CFAP58: variants seen among roughly 807,000 people sequenced by gnomAD.
CFAP58 encodes the protein cilia- and flagella-associated protein 58.
A neutral mutation model predicts 119.5 loss-of-function variants in CFAP58; 88 were observed. That is an observed-to-expected ratio of 0.74 (90% CI 0.62 to 0.88). The LOEUF (loss-of-function observed/expected upper bound fraction) is 0.88, where lower values mean the gene tolerates loss of function less well. Ranked by LOEUF, CFAP58 falls within the 40% of genes least tolerant of loss-of-function variation. CFAP58 has a pLI of 0.00. For synonymous variants in CFAP58, 365 were observed against 366.3 expected, an observed-to-expected ratio of 1.00 and a Z score of 0.04; for missense variants, 990 against 1,021.2, an observed-to-expected ratio of 0.97 and a Z score of 0.42.
In CFAP58 at chr10:104,380,065, A is replaced by G. The variant is rs751738240; in HGVS notation, c.1210A>G (p.Thr404Ala). ...GGCGGTCAATGCGACCCAGAAGCAG[A>G]CAGACTTGGTAAAGCTCCATGAACA... ...LKAVNATQKQ[T>A]DLVKLHEQAK... The change falls in exon 9 of 18, where the codon ACA (threonine) becomes GCA (alanine). Residue 404 changes from threonine to alanine, a missense_variant. Coordinates refer to ENST00000369704, the MANE Select transcript of CFAP58 (RefSeq NM_001008723.2). 9.9e-6 allele frequency: 16 copies of G among 1,614,016 alleles called. No individual in the cohort carries two copies. The South Asian group carries it at 1.2e-4, about 12-fold the overall frequency.
intron 15 of CFAP58, among the ~76,000 whole-genome samples, chr10:104,447,178 C>CCT (rs199544136): frequency 1.5e-4 from 20 of 134,348 alleles, no homozygotes; most frequent in African/African-American, 4.6e-4. Flanking sequence ...TTCTTTTTTT[C>CCT]CTCTCTCTTT....
At chr10:104,411,554 T>C (rs2012460821) in intron 15 of CFAP58, among the ~76,000 whole-genome samples, 1 of 152,192 alleles carries the variant, frequency 6.6e-6, no homozygotes, top group South Asian at 2.1e-4. Context: ...AAAGCCTTTA[T>C]TTGGGGACTT....
rs2013171937 is a variant in CFAP58 at position 104,450,138 on chromosome 10, T to C, written c.2444T>C (p.Leu815Pro). ...SKEYKYEVEK[L>P]TNELQNLKKK... ...GAATATAAATATGAGGTAGAGAAACTTACCAATGAGCTCCAGAATTTAAAG... is the reference window on the plus strand; with the variant it reads ...GAATATAAATATGAGGTAGAGAAACCTACCAATGAGCTCCAGAATTTAAAG... Residue 815 changes from leucine (L) to proline (P), a missense_variant, in exon 17 of 18, where the codon CTT (leucine) becomes CCT (proline). By Grantham distance (98) the Leu-to-Pro change is moderately conservative. Transcript: ENST00000369704. The C allele has an allele frequency of 6.2e-7, 1 of 1,613,100 alleles. No homozygotes were observed. Among genetic ancestry groups the C allele is most frequent in the South Asian group, 1.1e-5 (1 of 90,966 alleles).
At chr10:104,434,902 C>T (rs2012908183) in intron 15 of CFAP58, among the ~76,000 whole-genome samples, 1 of 152,234 alleles carries the variant, frequency 6.6e-6, no homozygotes, top group African/African-American at 2.4e-5. Context: ...GTCTTCTACA[C>T]AGCTCTAGGA....
At chr10:104,378,915 A>G (rs1030967835) in intron 8 of CFAP58, among the ~76,000 whole-genome samples, 2 of 74,806 alleles carry the variant, frequency 2.7e-5, no homozygotes, top group African/African-American at 1.0e-4. Context: ...GTGCAGCTTA[A>G]AAAAAAAAAA....
chr10:104,360,854 G>C (rs1326905095), intron 2 of CFAP58, among the ~76,000 whole-genome samples: 4 of 152,146 alleles, frequency 2.6e-5, no homozygotes, highest in African/African-American at 7.2e-5. Flanking sequence ...TGGTTTATAT[G>C]TACTCTTTAT....
chr10:104,389,913 T>C (rs947573605), intron 9 of CFAP58, among the ~76,000 whole-genome samples: 11 of 152,126 alleles, frequency 7.2e-5, no homozygotes, highest in Non-Finnish European at 1.3e-4. Context: ...TAAATGAAAT[T>C]CCAGCAAACC....
In CFAP58 at chr10:104,392,370, T is replaced by C. The variant is rs753418566; in HGVS notation, c.1503T>C (p.Tyr501=). The part of the protein sequence containing the change: ...YEAVRSDRNL[Y]SKNLVEAQDE... ...CTGTGAGATCAGACAGAAATCTGTA[T>C]AGCAAAAATCTGGTTGAGGCTCAGG... Residue 501 remains tyrosine, a synonymous_variant, in exon 10 of 18, where the codon TAT becomes TAC. Transcript: ENST00000369704. The C allele has an allele frequency of 6.3e-7, 1 of 1,596,794 alleles. No homozygotes were observed. Among genetic ancestry groups the C allele is most frequent in the Non-Finnish European group, 8.5e-7 (1 of 1,173,572 alleles).
At chr10:104,399,270 A>C (rs2133041154) in intron 11 of CFAP58, 90 bp from the exon 12 acceptor site, 2 of 1,407,738 alleles carry the variant, frequency 1.4e-6, no homozygotes, top group South Asian at 2.7e-5. Flanking sequence ...AAGAGTAAGA[A>C]GCACAACTGT....
chr10:104,380,177 A>T lies in CFAP58; in HGVS notation c.1322A>T (p.Glu441Val), dbSNP rs183409708. The change falls in exon 9 of 18, where the codon GAG becomes GTG. Residue 441 changes from glutamate (E) to valine (V), a missense_variant. Glu to Val is a moderately radical substitution (Grantham distance 121). Transcript: ENST00000369704. ...AAGATCATCTTTCATCTGGAAAAGG[A>T]GCGTGACCGGTACATCAACCAAGCC... Reference protein sequence around the residue: ...QRKIIFHLEKERDRYINQASD... With the variant: ...QRKIIFHLEKVRDRYINQASD... 1 of 1,614,140 alleles carries T rather than the reference A, an allele frequency of 6.2e-7. No homozygotes were observed. Among genetic ancestry groups the T allele is most frequent in the African/African-American group, 1.3e-5 (1 of 75,048 alleles).
rs575889751 is a variant in CFAP58 at position 104,391,214 on chromosome 10, C to T, written c.1366-1019C>T. Among the ~76,000 whole-genome samples the T allele has an allele frequency of 5.3e-5, 8 of 152,286 alleles. No homozygotes were observed. The South Asian group carries it at 1.2e-3, about 24-fold the overall frequency. On this transcript the variant is annotated intron_variant, in intron 9 of 17. Coordinates refer to ENST00000369704, the MANE Select transcript of CFAP58 (RefSeq NM_001008723.2). ...TGGCAGAAGTCTAAGAGGTCCTTTTCCACCTTTCGTTCTAGGTAAACTGTC... is the reference window on the plus strand; with the variant it reads ...TGGCAGAAGTCTAAGAGGTCCTTTTTCACCTTTCGTTCTAGGTAAACTGTC...
the CFAP58 span, among the ~76,000 whole-genome samples, chr10:104,338,805 C>T: frequency 1.3e-5 from 2 of 152,222 alleles, no homozygotes; most frequent in Non-Finnish European, 2.9e-5. Flanking sequence ...GGCGGAATTC[C>T]TGGGGCCACC....
At chr10:104,343,565 C>T in the CFAP58 span, among the ~76,000 whole-genome samples, 1 of 150,718 alleles carries the variant, frequency 6.6e-6, no homozygotes, top group Non-Finnish European at 1.5e-5. Flanking sequence ...ACCCAGTATA[C>T]TCACACATAC....
chr10:104,394,658 A>G lies in CFAP58; in HGVS notation c.1674+1183A>G, dbSNP rs542178607. ...AGTGCATGTACAAAAAAGATATTGT[A>G]ACTGATATATTTACCTGTCTCAGAC... On this transcript the variant is annotated intron_variant, in intron 11 of 17. Coordinates refer to ENST00000369704, the MANE Select transcript of CFAP58 (RefSeq NM_001008723.2). 2.0e-5 allele frequency among the ~76,000 whole-genome samples: 3 copies of G among 152,342 alleles called. No homozygotes were observed. The East Asian group carries it at 5.8e-4, about 29-fold the overall frequency.
intron 1 of CFAP58, among the ~76,000 whole-genome samples, chr10:104,356,722 T>C (rs1283598215): frequency 6.6e-6 from 1 of 152,176 alleles, no homozygotes; most frequent in Non-Finnish European, 1.5e-5. Flanking sequence ...TTTCTGTGGG[T>C]TCATAGAGAA....
intron 2 of CFAP58, 54 bp downstream of exon 2, chr10:104,358,676 A>C: frequency 1.3e-6 from 2 of 1,538,020 alleles, no homozygotes; most frequent in Non-Finnish European, 1.8e-6. Context: ...TCATTCTCTC[A>C]TTATATTGGC....
intron 17 of CFAP58, among the ~76,000 whole-genome samples, chr10:104,450,879 A>G (rs749889915): frequency 5.9e-5 from 9 of 151,976 alleles, no homozygotes; most frequent in Non-Finnish European, 1.0e-4. Flanking sequence ...TCTCTGAACC[A>G]TCTTCTATGT....
At chr10:104,441,811 C>A (rs1400734858) in intron 15 of CFAP58, among the ~76,000 whole-genome samples, 1 of 152,206 alleles carries the variant, frequency 6.6e-6, no homozygotes, top group Non-Finnish European at 1.5e-5. Context: ...CAAATGCCAG[C>A]ATTTCCTGTC....
At chr10:104,406,333 A>G (rs760942384) in intron 14 of CFAP58, among the ~76,000 whole-genome samples, 1 of 152,204 alleles carries the variant, frequency 6.6e-6, no homozygotes, top group Non-Finnish European at 1.5e-5. Flanking sequence ...CAGCTAAAGT[A>G]TAATGTTGTA....
Sources: gnomAD v4.1 joint callset for allele counts (sites outside exome capture counted in the v4.1 genomes callset) on GRCh38, gnomAD v4.1.1 for gene constraint, MANE v1.5 for transcripts, NCBI Gene and HGNC (gene_info 2026-07-23, HGNC 2026-07-21) for gene names.